LRRTM4: variants seen among roughly 807,000 people sequenced by gnomAD.
LRRTM4 encodes leucine-rich repeat transmembrane neuronal protein 4.
A neutral mutation model predicts 47.6 loss-of-function variants in LRRTM4; 25 were observed. The ratio of observed to expected loss-of-function variants is 0.53; its 90% CI spans 0.38 to 0.73. The LOEUF is 0.73. Among genes scored for constraint, LRRTM4 ranks in the 30% least tolerant of loss-of-function variants. The pLI, the probability that LRRTM4 is intolerant of heterozygous loss-of-function variation, is 0.00. For missense variants in LRRTM4, 638 were observed against 713.4 expected (o/e 0.89, Z 1.20); for synonymous variants, 311 against 269.5 (o/e 1.15, Z -1.51).
At chr2:77,063,242 G>C (rs1249666429) in intron 3 of LRRTM4, among the ~76,000 whole-genome samples, 1 of 152,138 alleles carries the variant, frequency 6.6e-6, no homozygotes, top group African/African-American at 2.4e-5. Flanking sequence ...ATAGGCGTGA[G>C]CCACTGCGCC....
At chr2:77,496,208 C>G (rs145826145) in intron 3 of LRRTM4, among the ~76,000 whole-genome samples, 247 of 151,960 alleles carry the variant, frequency 1.6e-3, no homozygotes, top group African/African-American at 5.8e-3. Context: ...TATAAACTTG[C>G]TAAACTCACA....
chr2:76,905,076 G>T (rs1673778074), intron 3 of LRRTM4, among the ~76,000 whole-genome samples: 1 of 152,118 alleles, frequency 6.6e-6, no homozygotes. Context: ...TGACCACTGA[G>T]CAGCCTAACT....
At chr2:77,133,412 G>T (rs967812879) in intron 3 of LRRTM4, among the ~76,000 whole-genome samples, 2 of 152,044 alleles carry the variant, frequency 1.3e-5, no homozygotes, top group Non-Finnish European at 2.9e-5. Flanking sequence ...GCAGATAATG[G>T]ATTATACTTG....
intron 3 of LRRTM4, among the ~76,000 whole-genome samples, chr2:76,819,762 T>C (rs1376883820): frequency 6.6e-6 from 1 of 151,972 alleles, no homozygotes; most frequent in African/African-American, 2.4e-5. Context: ...GGGAATTTGC[T>C]CATATTTCAG....
intron 3 of LRRTM4, among the ~76,000 whole-genome samples, chr2:77,238,182 G>A (rs941440450): frequency 6.6e-6 from 1 of 152,062 alleles, no homozygotes; most frequent in Admixed American, 6.6e-5. Context: ...TCAGATGCTA[G>A]ATATGTTAAT....
intron 3 of LRRTM4, among the ~76,000 whole-genome samples, chr2:77,292,463 A>T (rs1347706927): frequency 6.6e-6 from 1 of 151,762 alleles, no homozygotes; most frequent in Non-Finnish European, 1.5e-5. Flanking sequence ...TCCAACAATG[A>T]TAGACTTGAT....
chr2:77,252,988 A>C (rs1322974731), intron 3 of LRRTM4, among the ~76,000 whole-genome samples: 1 of 151,918 alleles, frequency 6.6e-6, no homozygotes, highest in Non-Finnish European at 1.5e-5. Context: ...AATTGCCTTA[A>C]ATTTCTCCTG....
At chr2:76,804,632 C>A (rs1406132417) in intron 3 of LRRTM4, among the ~76,000 whole-genome samples, 2 of 144,708 alleles carry the variant, frequency 1.4e-5, no homozygotes, top group Non-Finnish European at 3.0e-5. Context: ...GTATCTTGTA[C>A]ATATATATAC....
At chr2:76,811,151 T>C (rs1415570809) in intron 3 of LRRTM4, among the ~76,000 whole-genome samples, 2 of 152,316 alleles carry the variant, frequency 1.3e-5, no homozygotes, top group East Asian at 1.9e-4. Context: ...GGAATTTCCA[T>C]AGTTAACTTC....
intron 3 of LRRTM4, among the ~76,000 whole-genome samples, chr2:77,290,059 G>A (rs1676778010): frequency 6.6e-6 from 1 of 151,482 alleles, no homozygotes; most frequent in Non-Finnish European, 1.5e-5. Context: ...TATTTTATAG[G>A]CTAAAACAGG....
intron 3 of LRRTM4, among the ~76,000 whole-genome samples, chr2:77,320,559 CAGA>C (rs1266489967): frequency 6.6e-6 from 1 of 151,924 alleles, no homozygotes; most frequent in Non-Finnish European, 1.5e-5. Context: ...TGTGGCTGAC[CAGA>C]AGAAGAACAT....
Position 77,367,062 on chromosome 2 carries a change from T to C in LRRTM4, c.1551+151256A>G, listed in dbSNP as rs1038693010. ...TTTCCATTTAATGCATACTGGCTAT[T>C]TGTCAATCTCTCATATTCTCTATGT... On this transcript the variant is annotated intron_variant, in intron 3 of 3. Coordinates refer to ENST00000409884, the MANE Select transcript of LRRTM4 (RefSeq NM_001134745.3). Among the ~76,000 whole-genome samples, 3 of 152,010 alleles carry C rather than the reference T, an allele frequency of 2.0e-5. No individual in the cohort carries two copies. In the East Asian group the frequency reaches 5.8e-4, roughly 29 times the overall value.
intron 3 of LRRTM4, among the ~76,000 whole-genome samples, chr2:77,274,703 G>GT (rs1253031198): frequency 6.6e-6 from 1 of 152,090 alleles, no homozygotes; most frequent in East Asian, 1.9e-4. Flanking sequence ...TAGCTTTTGT[G>GT]TTTTTAATAG....
rs1429287677 is a variant in LRRTM4 at position 76,940,257 on chromosome 2, AGGAT to A, written c.1552-191345_1552-191342del. 3.3e-5 allele frequency among the ~76,000 whole-genome samples: 5 copies of A among 152,316 alleles called. No homozygotes were observed. In the East Asian group the frequency reaches 7.7e-4, roughly 24 times the overall value. On this transcript the variant is annotated intron_variant, in intron 3 of 3. Coordinates refer to ENST00000409884, the MANE Select transcript of LRRTM4 (RefSeq NM_001134745.3). ...ATCAACCTAGAGGTCCATCAGTGGT[AGGAT>A]GGATGAAGAAAATGTGGTACATGTA...
At chr2:76,886,217 A>G (rs990676186) in intron 3 of LRRTM4, among the ~76,000 whole-genome samples, 1 of 152,228 alleles carries the variant, frequency 6.6e-6, no homozygotes, top group Non-Finnish European at 1.5e-5. Context: ...AAGGGTACCT[A>G]TCTCAAATGA....
chr2:77,493,653 A>T lies in LRRTM4; in HGVS notation c.1551+24665T>A, dbSNP rs1343364509. On this transcript the variant is annotated intron_variant, in intron 3 of 3. Transcript: ENST00000409884. ...TAATATTTTGACTCATGTCTGTAGA[A>T]GTTATAAAGAAGTGAGTTTAGAAAT... Among the ~76,000 whole-genome samples the T allele has an allele frequency of 5.3e-5, 8 of 152,126 alleles. No individual in the cohort carries two copies. The East Asian group carries it at 1.5e-3, about 29-fold the overall frequency.
At chr2:76,783,941 T>G (rs1674531318) in intron 3 of LRRTM4, among the ~76,000 whole-genome samples, 1 of 152,182 alleles carries the variant, frequency 6.6e-6, no homozygotes, top group Admixed American at 6.5e-5. Context: ...AGATGATTCA[T>G]TAGTAAAAAT....
At chr2:77,049,252 A>C (rs1176799117) in intron 3 of LRRTM4, among the ~76,000 whole-genome samples, 2 of 149,822 alleles carry the variant, frequency 1.3e-5, no homozygotes, top group African/African-American at 4.9e-5. Context: ...ATAATGCTAC[A>C]ATAAACGTGG....
intron 3 of LRRTM4, among the ~76,000 whole-genome samples, chr2:77,294,909 A>G (rs1676929123): frequency 1.3e-5 from 2 of 152,276 alleles, no homozygotes; most frequent in African/African-American, 4.8e-5. Flanking sequence ...AAAAATCTAA[A>G]CAGTATATAT....
Sources: allele counts gnomAD v4.1 joint callset (sites outside exome capture counted in the v4.1 genomes callset), GRCh38; gene constraint gnomAD v4.1.1; transcripts MANE v1.5; gene names NCBI Gene and HGNC (gene_info 2026-07-23, HGNC 2026-07-21).